The following RBFOX1 variants were observed in gnomAD, a reference collection of about 807,000 sequenced individuals.
RBFOX1 encodes the protein RNA binding protein fox-1 homolog 1.
A neutral mutation model predicts 57.7 loss-of-function variants in RBFOX1; 8 were observed. That is an observed-to-expected ratio of 0.14 (90% CI 0.08 to 0.25). The LOEUF is 0.25. RBFOX1 is among the 10% of genes least tolerant of loss of function. The pLI is 1.00. For missense variants in RBFOX1, 611 were observed against 548.5 expected (o/e 1.11, Z -1.14); for synonymous variants, 326 against 222.4 (o/e 1.47, Z -4.15).
intron 2 of RBFOX1, chr16:6,483,059 A>G: frequency 1.1e-6 from 1 of 869,880 alleles, no homozygotes; most frequent in Non-Finnish European, 1.4e-6. Flanking sequence ...TACCGCAGCC[A>G]GCTCGGAGCT....
intron 10 of RBFOX1, among the ~76,000 whole-genome samples, chr16:7,627,522 G>C (rs556440424): frequency 6.6e-6 from 1 of 152,184 alleles, no homozygotes; most frequent in African/African-American, 2.4e-5. Context: ...GGCAGTAGAA[G>C]GTTTATGTTG....
intron 3 of RBFOX1, among the ~76,000 whole-genome samples, chr16:5,690,318 A>G (rs2050634549): frequency 6.6e-6 from 1 of 152,228 alleles, no homozygotes; most frequent in Admixed American, 6.5e-5. Context: ...TCCTGAAAGG[A>G]ATACTCCTCA....
chr16:5,706,941 T>C (rs4477708), intron 3 of RBFOX1, among the ~76,000 whole-genome samples: 32,257 of 151,822 alleles, frequency 0.21, 4,444 homozygotes, highest in East Asian at 0.63. Flanking sequence ...CTTACCTTCA[T>C]ACACAGTCCG....
chr16:6,545,938 T>G (rs2096888616), intron 2 of RBFOX1, among the ~76,000 whole-genome samples: 3 of 152,216 alleles, frequency 2.0e-5, no homozygotes, highest in Admixed American at 1.3e-4. Context: ...ATAGTCTCTG[T>G]GTACTGTTGT....
At chr16:5,264,284 T>G (rs529600407) in intron 1 of RBFOX1, among the ~76,000 whole-genome samples, 12 of 152,200 alleles carry the variant, frequency 7.9e-5, no homozygotes, top group African/African-American at 2.9e-4. Flanking sequence ...CGTTTGATGT[T>G]GGGATGTGAG....
At chr16:6,312,594 T>C (rs1170590490) in intron 1 of RBFOX1, among the ~76,000 whole-genome samples, 2 of 152,070 alleles carry the variant, frequency 1.3e-5, no homozygotes, top group Admixed American at 6.6e-5. Flanking sequence ...GAAATGACTT[T>C]TGGGGAGGCT....
intron 1 of RBFOX1, among the ~76,000 whole-genome samples, chr16:6,059,837 CATG>C (rs1241834288): frequency 6.6e-6 from 1 of 152,202 alleles, no homozygotes; most frequent in African/African-American, 2.4e-5. Context: ...AGCATTTAGC[CATG>C]ATTCCAGGAA....
intron 1 of RBFOX1, among the ~76,000 whole-genome samples, chr16:6,162,561 A>G (rs1219617439): frequency 2.0e-5 from 3 of 152,180 alleles, no homozygotes; most frequent in African/African-American, 4.8e-5. Context: ...TCTCAGTGAA[A>G]TACTGCAGAA....
rs76113361 is a variant in RBFOX1 at position 7,052,270 on chromosome 16, A to G, written c.27+172A>G. Among the ~76,000 whole-genome samples, 808 of 152,334 alleles carry G rather than the reference A, an allele frequency of 5.3e-3. 6 individuals are homozygous for G. The highest frequency in any genetic ancestry group is 8.0e-3 in the Non-Finnish European group (543 of 68,030). ...TAGTATTGATTGAGCTGTTAAATAC[A>G]GTATATCTTCTTTGGAAGTGCCGTT... On this transcript the variant is annotated intron_variant, in intron 4 of 15. Coordinates refer to ENST00000550418, the MANE Select transcript of RBFOX1 (RefSeq NM_018723.4).
At chr16:6,205,504 C>T (rs528884151) in intron 1 of RBFOX1, among the ~76,000 whole-genome samples, 2 of 152,240 alleles carry the variant, frequency 1.3e-5, no homozygotes, top group East Asian at 3.9e-4. Flanking sequence ...TATGTATGCA[C>T]ATTTACAAAA....
chr16:6,385,935 CTTTCTT>C (rs1567168269), intron 2 of RBFOX1, among the ~76,000 whole-genome samples: 5 of 54,178 alleles, frequency 9.2e-5, no homozygotes, highest in Admixed American at 2.4e-4. Context: ...TCTTTTTTTT[CTTTCTT>C]TTTTTTTTTT....
At chr16:7,411,410 G>A (rs113055277) in intron 4 of RBFOX1, among the ~76,000 whole-genome samples, 13 of 152,202 alleles carry the variant, frequency 8.5e-5, no homozygotes, top group South Asian at 2.1e-4. Flanking sequence ...AATTTCACCC[G>A]GTCTTTCAGA....
chr16:6,657,941 C>T (rs554157369), intron 3 of RBFOX1, among the ~76,000 whole-genome samples: 1 of 152,140 alleles, frequency 6.6e-6, no homozygotes, highest in African/African-American at 2.4e-5. Context: ...TTTTCTTTCA[C>T]CTCCCCTGGC....
chr16:5,791,244 G>T (rs1356163909), intron 3 of RBFOX1, among the ~76,000 whole-genome samples: 1 of 152,174 alleles, frequency 6.6e-6, no homozygotes, highest in East Asian at 1.9e-4. Flanking sequence ...TCACTAAACT[G>T]TAGCCAACTA....
At chr16:7,145,562 C>T (rs1170180534) in intron 4 of RBFOX1, among the ~76,000 whole-genome samples, 4 of 152,032 alleles carry the variant, frequency 2.6e-5, no homozygotes, top group Non-Finnish European at 5.9e-5. Context: ...AAGTGCAGAA[C>T]CTCATATGAT....
chr16:6,887,988 C>T (rs1468605279), intron 3 of RBFOX1, among the ~76,000 whole-genome samples: 1 of 151,906 alleles, frequency 6.6e-6, no homozygotes. Flanking sequence ...ATTACTGCAT[C>T]TTATTCTGTT....
At chr16:7,434,346 C>T (rs908945091) in intron 4 of RBFOX1, among the ~76,000 whole-genome samples, 1 of 152,030 alleles carries the variant, frequency 6.6e-6, no homozygotes. Flanking sequence ...GTGGCGGGCG[C>T]CAGTAGTCCC....
At chr16:6,051,933 C>G (rs966301746) in intron 1 of RBFOX1, among the ~76,000 whole-genome samples, 8 of 152,050 alleles carry the variant, frequency 5.3e-5, no homozygotes, top group Non-Finnish European at 1.0e-4. Flanking sequence ...AGTTCCACTG[C>G]CAGAGTCAGA....
At chr16:5,529,009 G>T (rs773680261) in intron 2 of RBFOX1, among the ~76,000 whole-genome samples, 27 of 152,098 alleles carry the variant, frequency 1.8e-4, no homozygotes, top group Non-Finnish European at 2.9e-4. Flanking sequence ...GCATGCAGTG[G>T]AGTAACCACT....
Sources: allele counts gnomAD v4.1 joint callset (sites outside exome capture counted in the v4.1 genomes callset), GRCh38; gene constraint gnomAD v4.1.1; transcripts MANE v1.5; gene names NCBI Gene and HGNC (gene_info 2026-07-23, HGNC 2026-07-21).